Variants in TAF4 observed in about 807,000 individuals in gnomAD.
TAF4 encodes TATA-box binding protein associated factor 4.
A neutral mutation model predicts 90.3 loss-of-function variants in TAF4; 9 were observed. The observed-to-expected ratio is 0.10, with a 90% CI of 0.06 to 0.17. TAF4 has a LOEUF of 0.17. Among genes scored for constraint, TAF4 ranks in the 10% least tolerant of loss-of-function variants. The pLI, the probability that TAF4 is intolerant of heterozygous loss-of-function variation, is 1.00. For missense variants in TAF4, 1,351 were observed against 1,370.7 expected (o/e 0.99, Z 0.23); for synonymous variants, 818 against 638.9 (o/e 1.28, Z -4.23).
intron 1 of TAF4, among the ~76,000 whole-genome samples, chr20:62,047,893 G>A (rs553356895): frequency 2.0e-5 from 3 of 152,286 alleles, no homozygotes; most frequent in South Asian, 2.1e-4. Context: ...ACCAGCACCC[G>A]GGATTCCTCG....
intron 5 of TAF4, chr20:62,008,006 G>A: frequency 5.5e-6 from 1 of 180,808 alleles, no homozygotes; most frequent in Non-Finnish European, 1.2e-5. Flanking sequence ...ATCAAAGCCA[G>A]CACTGCAAGT....
At chr20:61,976,451 GCTC>G in intron 14 of TAF4, 116 bp from the exon 15 acceptor site, 1 of 1,227,872 alleles carries the variant, frequency 8.1e-7, no homozygotes. Flanking sequence ...CCTGGCACGG[GCTC>G]CTTCCGGTAG....
intron 14 of TAF4, among the ~76,000 whole-genome samples, chr20:61,988,403 G>GA (rs1407120883): frequency 1.3e-5 from 2 of 152,172 alleles, no homozygotes; most frequent in African/African-American, 4.8e-5. Flanking sequence ...TAAATTAAGG[G>GA]AAAAAATCAA....
intron 1 of TAF4, among the ~76,000 whole-genome samples, chr20:62,032,265 G>A (rs764777491): frequency 2.0e-5 from 3 of 152,136 alleles, no homozygotes; most frequent in Non-Finnish European, 2.9e-5. Flanking sequence ...CTCCACCCCC[G>A]AACTCCTGCT....
intron 2 of TAF4, 44 bp from the exon 3 acceptor site, chr20:62,012,978 G>T: frequency 6.2e-7 from 1 of 1,608,742 alleles, no homozygotes; most frequent in South Asian, 1.1e-5. Flanking sequence ...CAAGTAAAAG[G>T]AATTCCCACC....
intron 1 of TAF4, among the ~76,000 whole-genome samples, chr20:62,039,489 C>CCTGT (rs1415576847): frequency 6.6e-6 from 1 of 152,148 alleles, no homozygotes; most frequent in Non-Finnish European, 1.5e-5. Context: ...CTAGAAAACT[C>CCTGT]CTGTACCTTG....
At chr20:62,051,312 G>A (rs111476652) in intron 1 of TAF4, among the ~76,000 whole-genome samples, 97 of 152,242 alleles carry the variant, frequency 6.4e-4, no homozygotes, top group African/African-American at 2.0e-3. Flanking sequence ...AGCTCTTGAC[G>A]TGGGACACCG....
chr20:62,031,307 A>G (rs927589), intron 1 of TAF4, among the ~76,000 whole-genome samples: 82,789 of 152,036 alleles, frequency 0.54, 22,974 homozygotes, highest in Middle Eastern at 0.66. Flanking sequence ...GAGGCCCAGC[A>G]TGTGCAGAAT....
intron 1 of TAF4, among the ~76,000 whole-genome samples, chr20:62,035,289 C>A (rs531666752): frequency 6.6e-6 from 1 of 152,286 alleles, no homozygotes; most frequent in East Asian, 1.9e-4. Flanking sequence ...TGGAGTATTA[C>A]CTCTAGTAGA....
chr20:62,065,614 C>G lies in TAF4; in HGVS notation c.197G>C (p.Ser66Thr). The G allele has an allele frequency of 3.0e-6, 3 of 1,007,714 alleles. No individual in the cohort carries two copies. The highest frequency in any genetic ancestry group is 3.5e-6 in the Non-Finnish European group (3 of 846,518). The allele number at this position is 1,007,714 out of a possible 1,614,324, so 62.4% of individuals were successfully genotyped here. Residue 66 changes from serine (S) to threonine (T), a missense_variant, in exon 1 of 15, where the codon AGC becomes ACC. Physicochemically the swap from Ser to Thr is moderately conservative, Grantham distance 58 (BLOSUM62 1). Transcript: ENST00000252996. ...GALGNHVVSG[S>T]PAGAAGAGPA... Reference sequence around the variant, plus strand: ...CCCTGCGCCCGCGGCTCCGGCCGGGCTGCCGCTCACAACATGGTTCCCGAG... The same window carrying G: ...CCCTGCGCCCGCGGCTCCGGCCGGGGTGCCGCTCACAACATGGTTCCCGAG...
chr20:61,980,290 G>A (rs3787422), intron 14 of TAF4: 70,287 of 152,168 alleles, frequency 0.46, 17,417 homozygotes, highest in Middle Eastern at 0.64. Flanking sequence ...CAGGGTCTGC[G>A]CCACCCAAAC....
chr20:62,014,452 T>C, intron 2 of TAF4, 95 bp downstream of exon 2: 2 of 1,424,502 alleles, frequency 1.4e-6, no homozygotes, highest in East Asian at 2.6e-5. Flanking sequence ...CTCACTCCCA[T>C]GGCTGTGCCT....
intron 2 of TAF4, among the ~76,000 whole-genome samples, chr20:62,013,670 C>T (rs1423557805): frequency 4.6e-5 from 7 of 152,244 alleles, no homozygotes; most frequent in South Asian, 4.1e-4. Flanking sequence ...CAAGTCATTC[C>T]AGTCTTCACA....
intron 7 of TAF4, chr20:62,005,644 C>T (rs528232770): frequency 6.6e-6 from 1 of 152,388 alleles, no homozygotes; most frequent in South Asian, 2.1e-4. Flanking sequence ...CAGCCCTTCC[C>T]TGGCCTTTAT....
In TAF4 at chr20:62,015,658, G is replaced by A. The variant is rs1021983850; in HGVS notation, c.1361-951C>T. ...ACGGGGCACAGGGGGCGGCCACTGC[G>A]TTTCCCAGCCTCTCCTTCCTCCCCT... On this transcript the variant is annotated intron_variant, in intron 1 of 14. Coordinates refer to ENST00000252996, the MANE Select transcript of TAF4 (RefSeq NM_003185.4). 5.3e-5 allele frequency among the ~76,000 whole-genome samples: 8 copies of A among 152,316 alleles called. No individual in the cohort carries two copies. The South Asian group carries it at 6.2e-4, about 12-fold the overall frequency.
At chr20:61,979,867 G>A (rs538647445) in intron 14 of TAF4, among the ~76,000 whole-genome samples, 246 of 152,216 alleles carry the variant, frequency 1.6e-3, no homozygotes, top group African/African-American at 4.1e-3. Context: ...GAGGGACTGC[G>A]GCCCGTGCAG....
chr20:61,978,192 C>G (rs112923148), intron 14 of TAF4, among the ~76,000 whole-genome samples: 2 of 322 alleles, frequency 6.2e-3, no homozygotes, highest in Non-Finnish European at 0.015. Flanking sequence ...CAAGGGAGGG[C>G]GCGAGACCAA....
chr20:62,044,828 T>C (rs2145506215), intron 1 of TAF4, among the ~76,000 whole-genome samples: 1 of 152,266 alleles, frequency 6.6e-6, no homozygotes, highest in South Asian at 2.1e-4. Context: ...CATTTTCCTC[T>C]AAATGCCATT....
Position 61,998,211 on chromosome 20 carries a change from G to A in TAF4, c.2914-19C>T. ...ACCGAGACTATTTTTGAAAGAGGCA[G>A]AAAAGAAAAGTAAGTTATGAACTAA... On this transcript the variant is annotated intron_variant, in intron 12 of 14. Coordinates refer to ENST00000252996, the MANE Select transcript of TAF4 (RefSeq NM_003185.4). 1.2e-6 allele frequency: 2 copies of A among 1,610,024 alleles called. No individual in the cohort carries two copies. Among genetic ancestry groups the A allele is most frequent in the Non-Finnish European group, 1.7e-6 (2 of 1,178,200 alleles).
Sources: allele counts gnomAD v4.1 joint callset (sites outside exome capture counted in the v4.1 genomes callset), GRCh38; gene constraint gnomAD v4.1.1; transcripts MANE v1.5; gene names NCBI Gene and HGNC (gene_info 2026-07-23, HGNC 2026-07-21).